The following KIAA1328 variants were observed in gnomAD, a reference collection of about 807,000 sequenced individuals.
KIAA1328 encodes the protein protein hinderin.
A neutral mutation model predicts 68.1 loss-of-function variants in KIAA1328; 52 were observed. The ratio of observed to expected loss-of-function variants is 0.76; its 90% confidence interval spans 0.61 to 0.96. KIAA1328 has a LOEUF of 0.96. Among genes scored for constraint, KIAA1328 ranks in the 40% least tolerant of loss-of-function variants. The probability of loss-of-function intolerance (pLI) is 0.00; values close to 1 mark genes in which losing one functional copy is unlikely to be tolerated. For synonymous variants in KIAA1328, 232 were observed against 239.4 expected (o/e 0.97, Z 0.28); for missense variants, 641 against 677.6 (o/e 0.95, Z 0.60).
At chr18:37,003,801 ATG>A (rs1215253189) in intron 6 of KIAA1328, among the ~76,000 whole-genome samples, 2 of 152,072 alleles carry the variant, frequency 1.3e-5, no homozygotes, top group Non-Finnish European at 2.9e-5. Flanking sequence ...GTTCTCTTAA[ATG>A]TGGCTTGCCA....
downstream of KIAA1328, chr18:37,229,810 C>T (rs896807782): frequency 1.2e-4 from 21 of 175,764 alleles, no homozygotes; most frequent in South Asian, 2.1e-4. Flanking sequence ...CACTTGAACC[C>T]GGGAGGCGGA....
At chr18:36,884,924 C>A (rs2150980785) in intron 4 of KIAA1328, among the ~76,000 whole-genome samples, 1 of 151,748 alleles carries the variant, frequency 6.6e-6, no homozygotes, top group South Asian at 2.1e-4. Context: ...AAGTTGGAAT[C>A]CTTTTCAGAG....
chr18:37,098,207 G>A (rs1344634095), intron 7 of KIAA1328, among the ~76,000 whole-genome samples: 1 of 152,156 alleles, frequency 6.6e-6, no homozygotes, highest in Admixed American at 6.5e-5. Context: ...ATTGGCTGTG[G>A]GTTTGTCATA....
At chr18:36,944,352 G>T (rs1400138467) in intron 5 of KIAA1328, among the ~76,000 whole-genome samples, 1 of 152,138 alleles carries the variant, frequency 6.6e-6, no homozygotes, top group Non-Finnish European at 1.5e-5. Context: ...GACAAGGCGG[G>T]CGGATCACAA....
chr18:37,202,091 A>T (rs549322734), intron 9 of KIAA1328, among the ~76,000 whole-genome samples: 18 of 152,164 alleles, frequency 1.2e-4, no homozygotes, highest in Non-Finnish European at 1.8e-4. Flanking sequence ...CTCATGAATA[A>T]TTTCCAAATT....
At chr18:37,164,823 A>T (rs1323758610) in intron 8 of KIAA1328, among the ~76,000 whole-genome samples, 1 of 152,188 alleles carries the variant, frequency 6.6e-6, no homozygotes, top group Admixed American at 6.5e-5. Context: ...ATTGTCTTGT[A>T]TTCTAATTGA....
chr18:37,228,163 G>A (rs887300678), downstream of KIAA1328, among the ~76,000 whole-genome samples: 1 of 152,214 alleles, frequency 6.6e-6, no homozygotes, highest in Non-Finnish European at 1.5e-5. Flanking sequence ...CAGATGAGGA[G>A]CTGGTTCTTC....
At chr18:36,992,143 G>C (rs896434408) in intron 6 of KIAA1328, among the ~76,000 whole-genome samples, 3 of 152,050 alleles carry the variant, frequency 2.0e-5, no homozygotes, top group Admixed American at 6.6e-5. Context: ...AAAGTTCTTC[G>C]TATAGTCTAG....
At chr18:37,167,066 G>A (rs1188236192) in intron 8 of KIAA1328, among the ~76,000 whole-genome samples, 1 of 152,154 alleles carries the variant, frequency 6.6e-6, no homozygotes, top group Non-Finnish European at 1.5e-5. Flanking sequence ...AATGAAATGG[G>A]AAAAGTTCCC....
At chr18:36,910,390 A>G in intron 5 of KIAA1328, among the ~76,000 whole-genome samples, 1 of 151,894 alleles carries the variant, frequency 6.6e-6, no homozygotes. Flanking sequence ...TCCTTTCCCC[A>G]TTTCTTGTTT....
chr18:37,140,530 T>G (rs1402871164), intron 7 of KIAA1328, among the ~76,000 whole-genome samples: 2 of 152,118 alleles, frequency 1.3e-5, no homozygotes, highest in East Asian at 3.8e-4. Context: ...TTCATTAAAC[T>G]TCAAGAACTG....
At chr18:36,834,166 A>G (rs1361238542) in intron 1 of KIAA1328, 154 bp from the exon 2 acceptor site, 7 of 1,160,040 alleles carry the variant, frequency 6.0e-6, no homozygotes, top group African/African-American at 3.2e-5. Flanking sequence ...TTTGTTTTTA[A>G]TTCAATTACT....
intron 9 of KIAA1328, among the ~76,000 whole-genome samples, chr18:37,203,087 A>G (rs527904666): frequency 2.0e-4 from 31 of 151,728 alleles, no homozygotes; most frequent in Admixed American, 1.3e-4. Flanking sequence ...CTCAAAAGGT[A>G]AACCAAAATC....
intron 6 of KIAA1328, among the ~76,000 whole-genome samples, chr18:37,064,545 C>A (rs930506986): frequency 2.1e-5 from 3 of 145,650 alleles, no homozygotes; most frequent in Non-Finnish European, 3.0e-5. Flanking sequence ...TACCCCCCCC[C>A]CCAAATATGA....
intron 7 of KIAA1328, among the ~76,000 whole-genome samples, chr18:37,117,315 A>T (rs1026165747): frequency 1.3e-5 from 2 of 152,196 alleles, no homozygotes; most frequent in Admixed American, 1.3e-4. Context: ...ATGCAGCCAT[A>T]AAAAAGGATG....
rs189431814 is a variant in KIAA1328 at position 37,141,837 on chromosome 18, T to G, written c.1233-18363T>G. On this transcript the variant is annotated intron_variant, in intron 7 of 9. Coordinates refer to ENST00000280020, the MANE Select transcript of KIAA1328 (RefSeq NM_020776.3). ...TAGTGTGCAGTTCTCCTGATGATGT[T>G]TATTGGCCATTCATATAACTTTTTG... Among the ~76,000 whole-genome samples the G allele has an allele frequency of 1.0e-3, 155 of 152,332 alleles. 2 individuals carry two copies. The highest frequency in any genetic ancestry group is 3.7e-3 in the African/African-American group (153 of 41,580).
At chr18:37,159,584 T>C (rs1374721591) in intron 7 of KIAA1328, among the ~76,000 whole-genome samples, 1 of 152,220 alleles carries the variant, frequency 6.6e-6, no homozygotes, top group East Asian at 1.9e-4. Flanking sequence ...AATATGCTAA[T>C]GGTGGGAACA....
At chr18:37,038,406 A>C (rs554098148) in intron 6 of KIAA1328, among the ~76,000 whole-genome samples, 10 of 152,150 alleles carry the variant, frequency 6.6e-5, no homozygotes, top group Admixed American at 2.0e-4. Context: ...TATTCCTATA[A>C]ATTTTATTCA....
At chr18:37,229,529 G>T, downstream of KIAA1328, 5 of 1,264,406 alleles carry the variant, frequency 4.0e-6, no homozygotes, top group East Asian at 5.9e-5. Context: ...GGGGTGGGAG[G>T]GTCATTTTTT....
Sources: gnomAD v4.1 joint callset for allele counts (sites outside exome capture counted in the v4.1 genomes callset) on GRCh38, gnomAD v4.1.1 for gene constraint, MANE v1.5 for transcripts, NCBI Gene and HGNC (gene_info 2026-07-23, HGNC 2026-07-21) for gene names.